ABLIM2: variants seen among roughly 807,000 people sequenced by gnomAD.
The protein encoded by ABLIM2 is actin binding LIM protein family member 2.
In ABLIM2, 53 loss-of-function variants were observed where a neutral mutation model predicts 97.7. That is an observed-to-expected ratio of 0.54 (90% CI 0.44 to 0.68). The LOEUF is 0.68. ABLIM2 is among the 30% of genes least tolerant of loss of function. The probability of loss-of-function intolerance (pLI) is 0.00; values close to 1 mark genes in which losing one functional copy is unlikely to be tolerated. For synonymous variants in ABLIM2, 361 were observed against 345.8 expected (o/e 1.04, Z -0.49); for missense variants, 835 against 867.2 (o/e 0.96, Z 0.47).
At chr4:8,035,589 G>T (rs36027498) in intron 10 of ABLIM2, among the ~76,000 whole-genome samples, 52,950 of 152,082 alleles carry the variant, frequency 0.35, 9,360 homozygotes, top group African/African-American at 0.41. Context: ...AAACCAACAA[G>T]GCATTCCACG....
chr4:8,154,108 A>G (rs1425721902), intron 1 of ABLIM2, among the ~76,000 whole-genome samples: 9 of 150,800 alleles, frequency 6.0e-5, no homozygotes, highest in Admixed American at 2.0e-4. Flanking sequence ...GTCTACAGGC[A>G]CCTGCCACCA....
At chr4:8,006,008 C>G (rs887327547) in intron 16 of ABLIM2, among the ~76,000 whole-genome samples, 1 of 152,194 alleles carries the variant, frequency 6.6e-6, no homozygotes, top group African/African-American at 2.4e-5. Flanking sequence ...AAGAATGTGA[C>G]GACAAGGGGT....
At chr4:8,091,849 T>TACA (rs1828896551) in intron 3 of ABLIM2, among the ~76,000 whole-genome samples, 1 of 102,464 alleles carries the variant, frequency 9.8e-6, no homozygotes, top group Non-Finnish European at 1.8e-5. Context: ...AATATATTAT[T>TACA]TATACAATAT....
intron 1 of ABLIM2, among the ~76,000 whole-genome samples, chr4:8,135,323 C>T (rs1343213069): frequency 6.6e-6 from 1 of 152,168 alleles, no homozygotes; most frequent in East Asian, 1.9e-4. Context: ...ATTGCACAGG[C>T]GATGTTTTGC....
intron 1 of ABLIM2, among the ~76,000 whole-genome samples, chr4:8,142,871 C>T (rs955229101): frequency 6.6e-6 from 1 of 152,212 alleles, no homozygotes; most frequent in African/African-American, 2.4e-5. Flanking sequence ...ATCAGCCTGG[C>T]CCGGCCCTTG....
rs996247994 is a variant in ABLIM2 at position 8,083,389 on chromosome 4, C to A, written c.455-2587G>T. Reference sequence around the variant, plus strand: ...GCTCTCACTGCCACTGCTGTTGTTGCCAGGTGGTCCCCTCACGGGTGGCCT... The same window carrying A: ...GCTCTCACTGCCACTGCTGTTGTTGACAGGTGGTCCCCTCACGGGTGGCCT... On this transcript the variant is annotated intron_variant, in intron 4 of 20. Coordinates refer to ENST00000447017, the MANE Select transcript of ABLIM2 (RefSeq NM_001130083.2). This position sits in a 1 kb window ranked among gnomAD's most constrained non-coding sequence, Gnocchi z 4.6. Among the ~76,000 whole-genome samples, 1 of 152,190 alleles carries A rather than the reference C, an allele frequency of 6.6e-6. No homozygotes were observed. Among genetic ancestry groups the A allele is most frequent in the African/African-American group, 2.4e-5 (1 of 41,444 alleles).
intron 5 of ABLIM2, among the ~76,000 whole-genome samples, 193 bp from the exon 6 acceptor site, chr4:8,077,914 C>T (rs1204841679): frequency 6.6e-6 from 1 of 152,234 alleles, no homozygotes; most frequent in Non-Finnish European, 1.5e-5. Flanking sequence ...AATATGATGA[C>T]AATGGTCCCA....
Position 8,023,518 on chromosome 4 carries a change from C to T in ABLIM2, c.1268-3215G>A, listed in dbSNP as rs79720771. On this transcript the variant is annotated intron_variant, in intron 12 of 20. Coordinates refer to ENST00000447017, the MANE Select transcript of ABLIM2 (RefSeq NM_001130083.2). This position sits in a 1 kb window ranked among gnomAD's most constrained non-coding sequence, Gnocchi z 5.7. ...TCAAGGGCACCTGCTGTCAGCAGAG[C>T]GGATCACTGGCCGTGGCGGCCTTGC... 5.9e-3 allele frequency among the ~76,000 whole-genome samples: 899 copies of T among 152,330 alleles called. 5 individuals carry two copies. The highest frequency in any genetic ancestry group is 0.01 in the Non-Finnish European group (714 of 68,030).
At chr4:8,110,141 T>G (rs1453768622) in intron 1 of ABLIM2, among the ~76,000 whole-genome samples, 1 of 152,260 alleles carries the variant, frequency 6.6e-6, no homozygotes, top group East Asian at 1.9e-4. Context: ...ACACGGGTGA[T>G]GCACCCAGTC....
At chr4:7,990,026 C>A (rs1747464782) in intron 17 of ABLIM2, among the ~76,000 whole-genome samples, 1 of 152,080 alleles carries the variant, frequency 6.6e-6, no homozygotes, top group African/African-American at 2.4e-5. Flanking sequence ...TGCTTTAGGT[C>A]ACTGGGCCCT....
chr4:8,118,556 G>A (rs528476955), intron 1 of ABLIM2, among the ~76,000 whole-genome samples: 104 of 152,242 alleles, frequency 6.8e-4, no homozygotes, highest in Non-Finnish European at 1.4e-3. Context: ...CTCTGCTTAG[G>A]TCCCTCCCCC....
rs1810495138 is a variant in ABLIM2 at position 8,069,699 on chromosome 4, C to G, written c.675+7929G>C. ...GTCTCTGTGTGTGTTTGTGTGTTGT[C>G]TGTGTGTTGCTATGTGCAGTCTCTG... On this transcript the variant is annotated intron_variant, in intron 6 of 20. Transcript: ENST00000447017. The surrounding 1 kb of genome is among the most constrained non-coding windows in gnomAD (Gnocchi z 4.2). Among the ~76,000 whole-genome samples the G allele has an allele frequency of 6.6e-6, 1 of 151,454 alleles. No individual in the cohort carries two copies. The highest frequency in any genetic ancestry group is 2.4e-5 in the African/African-American group (1 of 41,180).
intron 14 of ABLIM2, among the ~76,000 whole-genome samples, chr4:8,016,246 G>A (rs948478946): frequency 1.3e-5 from 2 of 152,048 alleles, no homozygotes; most frequent in African/African-American, 4.8e-5. Flanking sequence ...GTTTTGCCAT[G>A]TTGGCCAGGC....
At position 8,091,646 on chromosome 4, in the gene ABLIM2, T is replaced by C. The variant is rs1221360388; in HGVS notation, c.339-3362A>G. Among the ~76,000 whole-genome samples, 8 of 61,406 alleles carry C rather than the reference T, an allele frequency of 1.3e-4. 2 individuals carry two copies. Among genetic ancestry groups the C allele is most frequent in the African/African-American group, 5.6e-4 (7 of 12,608 alleles). The allele number at this position is 61,406 out of a possible 152,430, so 40.3% of individuals were successfully genotyped here. The stretch of plus-strand genomic sequence containing the variant: ...ATATAAAATTATATATATAATTTTA[T>C]ATATTATATAATTATATATTATATA... On this transcript the variant is annotated intron_variant, in intron 3 of 20. Transcript: ENST00000447017.
intron 10 of ABLIM2, 121 bp downstream of exon 10, chr4:8,036,028 G>T: frequency 8.2e-7 from 1 of 1,221,858 alleles, no homozygotes; most frequent in Non-Finnish European, 1.1e-6. Context: ...TGAGCGTGTG[G>T]GTGAGTGGTG....
chr4:8,155,442 C>T lies in ABLIM2; in HGVS notation c.10+3238G>A, dbSNP rs1409777105. Among the ~76,000 whole-genome samples, 8 of 152,160 alleles carry T rather than the reference C, an allele frequency of 5.3e-5. No homozygotes were observed. Among genetic ancestry groups the T allele is most frequent in the African/African-American group, 1.7e-4 (7 of 41,438 alleles). On this transcript the variant is annotated intron_variant, in intron 1 of 20. Transcript: ENST00000447017. The surrounding 1 kb of genome is among the most constrained non-coding windows in gnomAD (Gnocchi z 4.2). Reference sequence around the variant, plus strand: ...TTTCCTTCCCTAAACCTTGGTTTCCCCCTTTGTGCAGGTGGGTGGGTTTGG... The same window carrying T: ...TTTCCTTCCCTAAACCTTGGTTTCCTCCTTTGTGCAGGTGGGTGGGTTTGG...
chr4:8,064,458 C>A (rs894074893), intron 6 of ABLIM2, among the ~76,000 whole-genome samples: 5 of 152,210 alleles, frequency 3.3e-5, no homozygotes, highest in Non-Finnish European at 7.3e-5. Context: ...CGGCCCCTCA[C>A]CATGGGACTC....
chr4:7,994,567 A>G (rs1356805776), intron 16 of ABLIM2, among the ~76,000 whole-genome samples: 5 of 70,336 alleles, frequency 7.1e-5, no homozygotes, highest in African/African-American at 2.0e-4. Flanking sequence ...ATACGTGTGC[A>G]TGTGTCTTTA....
chr4:8,106,011 T>G (rs1400995953), intron 2 of ABLIM2, among the ~76,000 whole-genome samples: 12 of 152,340 alleles, frequency 7.9e-5, no homozygotes, highest in South Asian at 2.1e-4. Context: ...CATTATTGGT[T>G]TATAGTCATA....
Sources: gnomAD v4.1 joint callset for allele counts (sites outside exome capture counted in the v4.1 genomes callset) on GRCh38, gnomAD v4.1.1 for gene constraint, Gnocchi (gnomAD v3.1) non-coding constraint, MANE v1.5 for transcripts, NCBI Gene and HGNC (gene_info 2026-07-23, HGNC 2026-07-21) for gene names.